SCARF1: variants seen among roughly 807,000 people sequenced by gnomAD.
SCARF1 encodes the protein acetyl LDL receptor.
In SCARF1, 49 loss-of-function variants were observed where a neutral mutation model predicts 76.3. The ratio of observed to expected loss-of-function variants is 0.64; its 90% CI spans 0.51 to 0.81. The LOEUF (loss-of-function observed/expected upper bound fraction) is 0.81. Among genes scored for constraint, SCARF1 ranks in the 40% least tolerant of loss-of-function variants. SCARF1 has a pLI of 0.00. For missense variants in SCARF1, 1,098 were observed against 1,143.9 expected (o/e 0.96, Z 0.58); for synonymous variants, 495 against 474.6 (o/e 1.04, Z -0.56).
Position 1,645,182 on chromosome 17 carries a change from G to C in SCARF1, c.159C>G (p.Thr53=), listed in dbSNP as rs1322553723. The C allele has an allele frequency of 1.9e-6, 3 of 1,613,852 alleles. No homozygotes were observed. Among genetic ancestry groups the C allele is most frequent in the Non-Finnish European group, 1.7e-6 (2 of 1,179,972 alleles). The change falls in exon 2 of 11, where the codon ACC becomes ACG. Residue 53 remains threonine (T), a synonymous_variant. Transcript: ENST00000263071. The surrounding 1 kb of genome is among the most constrained non-coding windows in gnomAD (Gnocchi z 6.3). ...AGWRQKDQEC[T]IPICEGPDAC... ...GGGTCTGTCCTGGCTACTCACGGAT[G>C]GTGCATTCTTGATCCTTCTGCCTCC...
Position 1,643,803 on chromosome 17 carries a change from C to A in SCARF1, c.430G>T (p.Ala144Ser), listed in dbSNP as rs1255333496. 3 of 1,266,244 alleles carry A rather than the reference C, an allele frequency of 2.4e-6. No homozygotes were observed. Among genetic ancestry groups the A allele is most frequent in the Middle Eastern group, 3.0e-4 (1 of 3,302 alleles). 78.4% of individuals were successfully genotyped at this position (1,266,244 alleles called of 1,614,324 possible). A position where few individuals can be genotyped will look rare whatever the true frequency, so the allele number is the denominator to read the frequency against. Reference sequence around the variant, plus strand: ...GGTTCGCAGTGGCACACGCCGGTCGCGGGGTCGCAGCGCCCGTGGGGGCCG... The same window carrying A: ...GGTTCGCAGTGGCACACGCCGGTCGAGGGGTCGCAGCGCCCGTGGGGGCCG... ...ACGPHGRCDP[A>S]TGVCHCEPGW... Residue 144 changes from alanine to serine, a missense_variant, in exon 4 of 11, where the codon GCG becomes TCG. Transcript: ENST00000263071.
At position 1,644,554 on chromosome 17, in the gene SCARF1, A is replaced by AT; in HGVS notation, c.265+279dup. On this transcript the variant is annotated intron_variant, in intron 3 of 10. Transcript: ENST00000263071. This position sits in a 1 kb window ranked among gnomAD's most constrained non-coding sequence, Gnocchi z 4.8. ...TGTGGGAAAGGCAAGTAATACACTC[A>AT]TTTTACAATGAAGGGGAATCACAGG... The AT allele has an allele frequency of 1.7e-6, 1 of 580,076 alleles. No individual in the cohort carries two copies. The highest frequency in any genetic ancestry group is 3.1e-6 in the Non-Finnish European group (1 of 324,204). The allele number at this position is 580,076 out of a possible 1,614,324, so 35.9% of individuals were successfully genotyped here.
At chr17:1,637,509 G>T (rs1239032721) in intron 8 of SCARF1, among the ~76,000 whole-genome samples, 2 of 151,708 alleles carry the variant, frequency 1.3e-5, no homozygotes, top group African/African-American at 4.8e-5. Context: ...TCTCGCTTTT[G>T]TTGCCCAGGC....
intron 4 of SCARF1, 155 bp downstream of exon 4, chr17:1,643,287 C>A (rs1910218390): frequency 1.1e-5 from 1 of 92,664 alleles, no homozygotes; most frequent in East Asian, 2.1e-4. Flanking sequence ...CCCCGCCCAC[C>A]GGTGTCCGCC....
rs1243686634 is a variant in SCARF1 at position 1,634,848 on chromosome 17, T to C, written c.2403A>G (p.Glu801=). Residue 801 remains glutamate (E), a synonymous_variant, in exon 11 of 11, where the codon GAA becomes GAG. Coordinates refer to ENST00000263071, the MANE Select transcript of SCARF1 (RefSeq NM_003693.4). The part of the protein sequence containing the change: ...QEPVSGCGSP[E]QDPQKQAEEE... ...CTTCAGCCTGCTTCTGGGGATCCTG[T>C]TCTGGGGAGCCACAGCCAGAGACTG... The C allele has an allele frequency of 1.8e-5, 29 of 1,614,048 alleles. No individual in the cohort carries two copies. The highest frequency in any genetic ancestry group is 2.4e-5 in the Non-Finnish European group (28 of 1,179,964).
At position 1,645,479 on chromosome 17, in the gene SCARF1, A is replaced by G; in HGVS notation, c.101+118T>C. 1 of 1,528,184 alleles carries G rather than the reference A, an allele frequency of 6.5e-7. No individual in the cohort carries two copies. Among genetic ancestry groups the G allele is most frequent in the Non-Finnish European group, 8.7e-7 (1 of 1,144,142 alleles). The allele number at this position is 1,528,184 out of a possible 1,614,324, so 94.7% of individuals were successfully genotyped here. A position where few individuals can be genotyped will look rare whatever the true frequency, so the allele number is the denominator to read the frequency against. On this transcript the variant is annotated intron_variant, in intron 1 of 10. Coordinates refer to ENST00000263071, the MANE Select transcript of SCARF1 (RefSeq NM_003693.4). This position sits in a 1 kb window ranked among gnomAD's most constrained non-coding sequence, Gnocchi z 6.3. ...TCAGCAGTCCCTTCCTTTCAGCCTA[A>G]GCCCCCTTCCTAGTCTCCTCCTTCC...
chr17:1,644,046 A>T lies in SCARF1; in HGVS notation c.266-79T>A, dbSNP rs1910325591. 1 of 1,139,664 alleles carries T rather than the reference A, an allele frequency of 8.8e-7. No individual in the cohort carries two copies. Among genetic ancestry groups the T allele is most frequent in the South Asian group, 3.4e-5 (1 of 29,120 alleles). 70.6% of individuals were successfully genotyped at this position (1,139,664 alleles called of 1,614,324 possible). A position where few individuals can be genotyped will look rare whatever the true frequency, so the allele number is the denominator to read the frequency against. The stretch of plus-strand genomic sequence containing the variant: ...TTACCCTGCGTCCCCTTCCTCAAGG[A>T]AAAGGGGCGCTGGGCCCATCCTCCA... On this transcript the variant is annotated intron_variant, in intron 3 of 10. Transcript: ENST00000263071. This position sits in a 1 kb window ranked among gnomAD's most constrained non-coding sequence, Gnocchi z 4.8.
In SCARF1 at chr17:1,640,460, C is replaced by A. The variant is rs1031545526; in HGVS notation, c.998G>T (p.Trp333Leu). Residue 333 changes from tryptophan to leucine, a missense_variant, in exon 5 of 11, where the codon TGG (tryptophan) becomes TTG (leucine). Physicochemically the swap from Trp to Leu is moderately conservative, Grantham distance 61 (BLOSUM62 -2). Transcript: ENST00000263071. This position sits in a 1 kb window ranked among gnomAD's most constrained non-coding sequence, Gnocchi z 4.7. ...ATGGTGCCCTCACCTGGGCCCCAGC[C>A]AGCCAGGGTCACAGCGCTGACAGTG... ...TGHCQRCDPG[W>L]LGPRCEDPCP... 2.2e-5 allele frequency: 34 copies of A among 1,557,872 alleles called. No homozygotes were observed. The highest frequency in any genetic ancestry group is 3.0e-5 in the Non-Finnish European group (34 of 1,151,142).
Position 1,639,996 on chromosome 17 carries a change from C to T in SCARF1, c.1055G>A (p.Gly352Asp). ...CTGAACACAGGTGGGGCAGGTAGAG[C>T]CACAGTCTTCCCCAAAGGTACCAGT... ...CPTGTFGEDC[G>D]STCPTCVQGS... Residue 352 changes from glycine to aspartate, a missense_variant, in exon 6 of 11, where the codon GGC becomes GAC. Coordinates refer to ENST00000263071, the MANE Select transcript of SCARF1 (RefSeq NM_003693.4). 3.1e-6 allele frequency: 5 copies of T among 1,613,970 alleles called. No individual in the cohort carries two copies. Among genetic ancestry groups the T allele is most frequent in the Non-Finnish European group, 4.2e-6 (5 of 1,179,986 alleles).
In SCARF1 at chr17:1,644,147, A is replaced by C. The variant is rs963000910; in HGVS notation, c.266-180T>G. ...CTCACTTCCTGCTCCGCTCTGACCT[A>C]CAGAAAACCCTTAGCCATTAGTGGG... On this transcript the variant is annotated intron_variant, in intron 3 of 10. Transcript: ENST00000263071. The surrounding 1 kb of genome is among the most constrained non-coding windows in gnomAD (Gnocchi z 4.8). The C allele has an allele frequency of 6.5e-5, 29 of 443,494 alleles. No homozygotes were observed. The highest frequency in any genetic ancestry group is 1.2e-3 in the Middle Eastern group (2 of 1,680). 27.5% of individuals were successfully genotyped at this position (443,494 alleles called of 1,614,324 possible). A position where few individuals can be genotyped will look rare whatever the true frequency, so the allele number is the denominator to read the frequency against.
In SCARF1 at chr17:1,640,290, C is replaced by G. The variant is rs952632677; in HGVS notation, c.1010+158G>C. On this transcript the variant is annotated intron_variant, in intron 5 of 10. Coordinates refer to ENST00000263071, the MANE Select transcript of SCARF1 (RefSeq NM_003693.4). This position sits in a 1 kb window ranked among gnomAD's most constrained non-coding sequence, Gnocchi z 4.7. ...GGAGCTGGGATCCTGCCCAGGCCCCCCCAGAACCCACTGCTCTCCCCCAGT... is the reference window on the plus strand; with the variant it reads ...GGAGCTGGGATCCTGCCCAGGCCCCGCCAGAACCCACTGCTCTCCCCCAGT... 1.2e-6 allele frequency: 1 copy of G among 816,362 alleles called. No homozygotes were observed. Among genetic ancestry groups the G allele is most frequent in the Non-Finnish European group, 1.9e-6 (1 of 526,624 alleles). 50.6% of individuals were successfully genotyped at this position (816,362 alleles called of 1,614,324 possible).
Position 1,636,984 on chromosome 17 carries a change from C to T in SCARF1, c.1443G>A (p.Leu481=). 6.2e-7 allele frequency: 1 copy of T among 1,613,948 alleles called. No homozygotes were observed. Among genetic ancestry groups the T allele is most frequent in the Non-Finnish European group, 8.5e-7 (1 of 1,180,008 alleles). Residue 481 remains leucine (L), a synonymous_variant, in exon 9 of 11, where the codon CTG becomes CTA. Coordinates refer to ENST00000263071, the MANE Select transcript of SCARF1 (RefSeq NM_003693.4). ...TGTGGGAGCTGAGGGAACGGCAGGG[C>T]AGCGTGGAGCCCAAGCTGGTCAGTG... ...WGTLTSLGST[L]PCRSLSSHKL... is the part of the protein sequence containing the mutation.
chr17:1,640,083 C>T lies in SCARF1; in HGVS notation c.1011-43G>A, dbSNP rs774748735. The T allele has an allele frequency of 1.1e-5, 18 of 1,602,542 alleles. No individual in the cohort carries two copies. The highest frequency in any genetic ancestry group is 1.5e-5 in the Non-Finnish European group (18 of 1,174,760). On this transcript the variant is annotated intron_variant, in intron 5 of 10. Transcript: ENST00000263071. The surrounding 1 kb of genome is among the most constrained non-coding windows in gnomAD (Gnocchi z 4.7). ...TCGGGGAAGGGGAGACCAAGGCAGG[C>T]CTGGCCCCCACTGTGGGGCCCCACC...
chr17:1,639,154 G>C (rs747866433), intron 7 of SCARF1, among the ~76,000 whole-genome samples: 1 of 152,194 alleles, frequency 6.6e-6, no homozygotes, highest in South Asian at 2.1e-4. Context: ...TCGCAGGGGC[G>C]GGGGCTCTGT....
In SCARF1 at chr17:1,637,339, T is replaced by TCTAC. The variant is rs1331521582; in HGVS notation, c.1365-278_1365-277insGTAG. ...CTGTAAAACAGATCCTATCTATCTATCTATCTATCTATCTATCTATCTATC... is the reference window on the plus strand; with the variant it reads ...CTGTAAAACAGATCCTATCTATCTATCTACCTATCTATCTATCTATCTATCTATC... On this transcript the variant is annotated intron_variant, in intron 8 of 10. Transcript: ENST00000263071. Among the ~76,000 whole-genome samples, 21 of 142,320 alleles carry TCTAC rather than the reference T, an allele frequency of 1.5e-4. No individual in the cohort carries two copies. The East Asian group carries it at 3.4e-3, about 23-fold the overall frequency. The allele number at this position is 142,320 out of a possible 152,430, so 93.4% of individuals were successfully genotyped here.
rs1225759506 is a variant in SCARF1 at position 1,644,715 on chromosome 17, T to TG, written c.265+118dup. ...CTGGACCGCAATTCCTCAGTGAAGC[T>TG]GGGGGGGATTCTGGCCCTGCTGTCC... On this transcript the variant is annotated intron_variant, in intron 3 of 10. Coordinates refer to ENST00000263071, the MANE Select transcript of SCARF1 (RefSeq NM_003693.4). The surrounding 1 kb of genome is among the most constrained non-coding windows in gnomAD (Gnocchi z 4.8). 12 of 926,282 alleles carry TG rather than the reference T, an allele frequency of 1.3e-5. No individual in the cohort carries two copies. The highest frequency in any genetic ancestry group is 4.4e-5 in the South Asian group (3 of 67,660). 57.4% of individuals were successfully genotyped at this position (926,282 alleles called of 1,614,324 possible).
In SCARF1 at chr17:1,639,914, G is replaced by C; in HGVS notation, c.1137C>G (p.Pro379=). ...GCCCCCGGGATCCCCATCCTTACCTGGGCCCCCAGTAGCCGGCACTGCAGA... is the reference window on the plus strand; with the variant it reads ...GCCCCCGGGATCCCCATCCTTACCTCGGCCCCCAGTAGCCGGCACTGCAGA... The part of the protein sequence containing the change: ...DCVCSAGYWG[P]SCNASCPAGF... The change falls in exon 6 of 11, where the codon CCC becomes CCG. Residue 379 remains proline (P), a splice_region_variant and synonymous_variant. Transcript: ENST00000263071. The C allele has an allele frequency of 1.9e-6, 3 of 1,613,358 alleles. No homozygotes were observed. The highest frequency in any genetic ancestry group is 2.5e-6 in the Non-Finnish European group (3 of 1,179,638).
In SCARF1 at chr17:1,644,666, G is replaced by A. The variant is rs924481019; in HGVS notation, c.265+168C>T. On this transcript the variant is annotated intron_variant, in intron 3 of 10. Transcript: ENST00000263071. This position sits in a 1 kb window ranked among gnomAD's most constrained non-coding sequence, Gnocchi z 4.8. Reference sequence around the variant, plus strand: ...AACCCGGTGACTCAGGTCATCTCCCGGGAGTGTGTGTCACTTCCTGTCTCT... The same window carrying A: ...AACCCGGTGACTCAGGTCATCTCCCAGGAGTGTGTGTCACTTCCTGTCTCT... 2.0e-5 allele frequency: 13 copies of A among 661,676 alleles called. No individual in the cohort carries two copies. Among genetic ancestry groups the A allele is most frequent in the Admixed American group, 5.0e-5 (2 of 39,652 alleles). 41.0% of individuals were successfully genotyped at this position (661,676 alleles called of 1,614,324 possible).
Position 1,645,491 on chromosome 17 carries a change from A to C in SCARF1, c.101+106T>G. The C allele has an allele frequency of 6.5e-7, 1 of 1,531,236 alleles. No individual in the cohort carries two copies. Among genetic ancestry groups the C allele is most frequent in the Non-Finnish European group, 8.7e-7 (1 of 1,145,798 alleles). The allele number at this position is 1,531,236 out of a possible 1,614,324, so 94.9% of individuals were successfully genotyped here. On this transcript the variant is annotated intron_variant, in intron 1 of 10. Coordinates refer to ENST00000263071, the MANE Select transcript of SCARF1 (RefSeq NM_003693.4). The surrounding 1 kb of genome is among the most constrained non-coding windows in gnomAD (Gnocchi z 6.3). ...TCCTTTCAGCCTAAGCCCCCTTCCT[A>C]GTCTCCTCCTTCCCCTAACGGCCTC...
Sources: allele counts gnomAD v4.1 joint callset (sites outside exome capture counted in the v4.1 genomes callset), GRCh38; gene constraint gnomAD v4.1.1; non-coding constraint Gnocchi (gnomAD v3.1); transcripts MANE v1.5; gene names NCBI Gene and HGNC (gene_info 2026-07-23, HGNC 2026-07-21).